The following GLYR1 variants were observed in gnomAD, a reference collection of about 807,000 sequenced individuals.
GLYR1 encodes the protein cytokine-like nuclear factor N-PAC.
GLYR1 carries 21 observed loss-of-function variants against 72.7 expected under a neutral mutation model. The ratio of observed to expected loss-of-function variants is 0.29; its 90% CI spans 0.20 to 0.42. GLYR1 has a LOEUF of 0.42. GLYR1 is among the 10% of genes least tolerant of loss of function. GLYR1 has a pLI of 1.00. For missense variants in GLYR1, 594 were observed against 712.1 expected (o/e 0.83, Z 1.89); for synonymous variants, 392 against 270.2 (o/e 1.45, Z -4.42).
Position 4,803,789 on chromosome 16 carries a change from C to T in GLYR1, c.*1447G>A, listed in dbSNP as rs1483676499. 6.6e-6 allele frequency: 1 copy of T among 152,214 alleles called. No homozygotes were observed. Among genetic ancestry groups the T allele is most frequent in the Non-Finnish European group, 1.5e-5 (1 of 68,042 alleles). 9.4% of individuals were successfully genotyped at this position (152,214 alleles called of 1,614,324 possible). On this transcript the variant is annotated 3_prime_UTR_variant, in exon 16 of 16. Coordinates refer to ENST00000321919, the MANE Select transcript of GLYR1 (RefSeq NM_032569.4). Reference sequence around the variant, plus strand: ...GAAGGACCCCGCCCTAGTGTGGCCACCCTATATATAATTACATATTGCATC... The same window carrying T: ...GAAGGACCCCGCCCTAGTGTGGCCATCCTATATATAATTACATATTGCATC...
At chr16:4,827,918 A>G (rs1425275713) in intron 5 of GLYR1, among the ~76,000 whole-genome samples, 1 of 151,932 alleles carries the variant, frequency 6.6e-6, no homozygotes, top group Non-Finnish European at 1.5e-5. Context: ...CAAACCAAAA[A>G]ACCAAAAAAC....
At position 4,813,633 on chromosome 16, in the gene GLYR1, T is replaced by C. The variant is rs565264029; in HGVS notation, c.1119+104A>G. 2.6e-4 allele frequency: 255 copies of C among 986,632 alleles called. 1 individual carries two copies. Among genetic ancestry groups the C allele is most frequent in the Non-Finnish European group, 2.5e-4 (160 of 642,816 alleles). 61.1% of individuals were successfully genotyped at this position (986,632 alleles called of 1,614,324 possible). On this transcript the variant is annotated intron_variant, in intron 12 of 15. Transcript: ENST00000321919. ...GGCTACTCGCCTCTCCTCTTCCCTC[T>C]CTGGCTTTGGCTCTAGAGTAACTTA... is the stretch of plus-strand genomic sequence containing the variant.
At chr16:4,839,019 T>C (rs2085351166) in intron 3 of GLYR1, among the ~76,000 whole-genome samples, 1 of 152,162 alleles carries the variant, frequency 6.6e-6, no homozygotes, top group African/African-American at 2.4e-5. Context: ...CCCAAGTAGC[T>C]GAGACTACAG....
At chr16:4,809,091 A>G (rs2083170347) in intron 15 of GLYR1, among the ~76,000 whole-genome samples, 1 of 152,192 alleles carries the variant, frequency 6.6e-6, no homozygotes, top group Non-Finnish European at 1.5e-5. Context: ...CATACTGTCT[A>G]TCAAAGCCAT....
At chr16:4,833,643 C>CAAAA (rs112227653) in intron 3 of GLYR1, among the ~76,000 whole-genome samples, 10 of 128,876 alleles carry the variant, frequency 7.8e-5, no homozygotes, top group South Asian at 2.5e-4. Flanking sequence ...TATGATGTCT[C>CAAAA]AAAAAAAAAA....
chr16:4,817,448 G>C, intron 10 of GLYR1, 150 bp downstream of exon 10: 1 of 595,996 alleles, frequency 1.7e-6, no homozygotes, highest in South Asian at 2.0e-5. Context: ...AACATCCTAA[G>C]TTTAGGCATC....
At chr16:4,814,393 T>A in intron 11 of GLYR1, 144 bp downstream of exon 11, 2 of 675,688 alleles carry the variant, frequency 3.0e-6, no homozygotes, top group South Asian at 3.4e-5. Context: ...GCAAACACCC[T>A]TCACAATGGG....
intron 15 of GLYR1, among the ~76,000 whole-genome samples, chr16:4,810,073 C>A (rs960606261): frequency 1.3e-5 from 2 of 151,958 alleles, no homozygotes; most frequent in African/African-American, 4.8e-5. Context: ...TTAAGTAATT[C>A]ATGGATCAAA....
At chr16:4,811,460 C>T (rs1596310405) in intron 14 of GLYR1, among the ~76,000 whole-genome samples, 163 bp downstream of exon 14, 2 of 152,300 alleles carry the variant, frequency 1.3e-5, no homozygotes, top group African/African-American at 4.8e-5. Context: ...CTGCAGCTCC[C>T]AGCCTATATC....
rs765178339 is a variant in GLYR1, at chr16:4,814,528, G to A, written c.1017+9C>T. ...CCGGAGTTGCTGAGGGGAGGGAGGG[G>A]GTCCTTACGTCCTTGGCCGCCTTGG... On this transcript the variant is annotated intron_variant, in intron 11 of 15. Transcript: ENST00000321919. 30 of 1,608,458 alleles carry A rather than the reference G, an allele frequency of 1.9e-5. No homozygotes were observed. The highest frequency in any genetic ancestry group is 4.3e-6 in the Non-Finnish European group (5 of 1,176,018).
intron 3 of GLYR1, chr16:4,833,183 A>G (rs2084904896): frequency 3.4e-6 from 1 of 297,776 alleles, no homozygotes; most frequent in East Asian, 6.0e-5. Flanking sequence ...GTTGCAGATT[A>G]TTTATTTCCA....
intron 2 of GLYR1, among the ~76,000 whole-genome samples, chr16:4,845,921 T>C (rs1344996731): frequency 6.6e-6 from 1 of 152,232 alleles, no homozygotes; most frequent in Non-Finnish European, 1.5e-5. Flanking sequence ...ACTAGAATTA[T>C]TTCCGGGGTT....
At chr16:4,807,781 C>G (rs887880587) in intron 15 of GLYR1, among the ~76,000 whole-genome samples, 6 of 152,158 alleles carry the variant, frequency 3.9e-5, no homozygotes, top group Non-Finnish European at 8.8e-5. Flanking sequence ...CAGAAATGAG[C>G]TTTCATCAAA....
chr16:4,817,853 G>C (rs1436670287), intron 9 of GLYR1, 156 bp from the exon 10 acceptor site: 1 of 623,078 alleles, frequency 1.6e-6, no homozygotes, highest in African/African-American at 1.8e-5. Context: ...CAGAGCCAGG[G>C]GCGTCATGCA....
intron 15 of GLYR1, among the ~76,000 whole-genome samples, chr16:4,810,195 G>A (rs1356397899): frequency 6.6e-6 from 1 of 151,598 alleles, no homozygotes; most frequent in Non-Finnish European, 1.5e-5. Context: ...CACTTTAAAG[G>A]GTTTGAAAAA....
intron 1 of GLYR1, 131 bp downstream of exon 1, chr16:4,847,097 C>A (rs1466325710): frequency 1.2e-6 from 1 of 862,042 alleles, no homozygotes; most frequent in Non-Finnish European, 1.8e-6. Context: ...TCGCAAGCGC[C>A]GGCACCTTCT....
In GLYR1 at chr16:4,840,547, A is replaced by T. The variant is rs536807862; in HGVS notation, c.155+4527T>A. Among the ~76,000 whole-genome samples, 75 of 149,560 alleles carry T rather than the reference A, an allele frequency of 5.0e-4. 1 individual carries two copies. Among genetic ancestry groups the T allele is most frequent in the Middle Eastern group, 3.5e-3 (1 of 282 alleles). On this transcript the variant is annotated intron_variant, in intron 3 of 15. Transcript: ENST00000321919. ...TTTTCAAACAAACACACACACACACACTCTCTCTCTCTCCCATAGGGAGAG... is the reference window on the plus strand; with the variant it reads ...TTTTCAAACAAACACACACACACACTCTCTCTCTCTCTCCCATAGGGAGAG...
Position 4,805,169 on chromosome 16 carries a change from C to G in GLYR1, c.*67G>C. 1 of 1,386,990 alleles carries G rather than the reference C, an allele frequency of 7.2e-7. No homozygotes were observed. The highest frequency in any genetic ancestry group is 1.0e-6 in the Non-Finnish European group (1 of 979,200). 85.9% of individuals were successfully genotyped at this position (1,386,990 alleles called of 1,614,324 possible). On this transcript the variant is annotated 3_prime_UTR_variant, in exon 16 of 16. Coordinates refer to ENST00000321919, the MANE Select transcript of GLYR1 (RefSeq NM_032569.4). ...TGGTCCAGAATGAACTCCCAGGCCC[C>G]CGACCCCATGTGAGGAAGAGGGGGT...
At chr16:4,829,962 T>C (rs1310262016) in intron 5 of GLYR1, among the ~76,000 whole-genome samples, 3 of 151,018 alleles carry the variant, frequency 2.0e-5, no homozygotes, top group Admixed American at 2.0e-4. Flanking sequence ...TGTGAGCCAC[T>C]GCACCCAGCA....
Sources: allele counts gnomAD v4.1 joint callset (sites outside exome capture counted in the v4.1 genomes callset), GRCh38; gene constraint gnomAD v4.1.1; transcripts MANE v1.5; gene names NCBI Gene and HGNC (gene_info 2026-07-23, HGNC 2026-07-21).